Variants in PTPRG observed in about 807,000 individuals in gnomAD.
PTPRG encodes the protein receptor-type tyrosine-protein phosphatase gamma.
PTPRG carries 102 observed loss-of-function variants against 165.3 expected under a neutral mutation model. The ratio of observed to expected loss-of-function variants is 0.62; its 90% confidence interval spans 0.53 to 0.73. PTPRG has a LOEUF of 0.73. Ranked by LOEUF, PTPRG falls within the 30% of genes least tolerant of loss-of-function variation. PTPRG has a pLI of 0.00. For missense variants in PTPRG, 1,866 were observed against 1,861.4 expected (o/e 1.00, Z -0.05); for synonymous variants, 675 against 669.5 (o/e 1.01, Z -0.13).
chr3:61,924,437 A>G (rs2039155674), intron 2 of PTPRG, among the ~76,000 whole-genome samples: 1 of 152,250 alleles, frequency 6.6e-6, no homozygotes, highest in Non-Finnish European at 1.5e-5. Flanking sequence ...CACATTCTAA[A>G]TAAATGCCTT....
chr3:62,029,562 A>G (rs1025280076), intron 4 of PTPRG, among the ~76,000 whole-genome samples: 6 of 152,218 alleles, frequency 3.9e-5, no homozygotes, highest in Non-Finnish European at 8.8e-5. Flanking sequence ...TCTTCATTGG[A>G]AAACTTACCA....
At chr3:61,844,247 A>C (rs1337656065) in intron 2 of PTPRG, among the ~76,000 whole-genome samples, 3 of 152,176 alleles carry the variant, frequency 2.0e-5, no homozygotes, top group Non-Finnish European at 4.4e-5. Context: ...TACAGGCGTG[A>C]GCCACCACGC....
chr3:61,743,973 C>G (rs2033101244), intron 1 of PTPRG, among the ~76,000 whole-genome samples: 1 of 152,158 alleles, frequency 6.6e-6, no homozygotes, highest in Non-Finnish European at 1.5e-5. Flanking sequence ...TATTGAAAAT[C>G]AATAGCATGA....
chr3:61,975,828 C>A lies in PTPRG; in HGVS notation c.191-13797C>A, dbSNP rs191123168. Reference sequence around the variant, plus strand: ...AAGATTTTCATCAAACATTTTATGTCGATCACAAATTTAGACACAATGAAA... The same window carrying A: ...AAGATTTTCATCAAACATTTTATGTAGATCACAAATTTAGACACAATGAAA... On this transcript the variant is annotated intron_variant, in intron 2 of 29. Transcript: ENST00000474889. Among the ~76,000 whole-genome samples the A allele has an allele frequency of 3.3e-3, 501 of 152,164 alleles. 2 individuals are homozygous for A. Among genetic ancestry groups the A allele is most frequent in the African/African-American group, 0.011 (470 of 41,526 alleles).
intron 13 of PTPRG, among the ~76,000 whole-genome samples, chr3:62,230,480 T>G (rs2106919634): frequency 6.6e-6 from 1 of 152,298 alleles, no homozygotes; most frequent in South Asian, 2.1e-4. Context: ...CAGTGTGAAA[T>G]CCTATAGCCC....
chr3:61,650,898 T>C (rs1702330561), intron 1 of PTPRG, among the ~76,000 whole-genome samples: 1 of 152,204 alleles, frequency 6.6e-6, no homozygotes. Context: ...TAATTTTTAC[T>C]ACCAATAAAA....
chr3:61,819,915 A>G (rs2035902419), intron 2 of PTPRG, among the ~76,000 whole-genome samples: 1 of 152,118 alleles, frequency 6.6e-6, no homozygotes, highest in Non-Finnish European at 1.5e-5. Context: ...AAACATTATA[A>G]CTAGTTGGGA....
chr3:62,152,938 A>C (rs1704390317), intron 6 of PTPRG, among the ~76,000 whole-genome samples: 2 of 152,236 alleles, frequency 1.3e-5, no homozygotes, highest in Non-Finnish European at 2.9e-5. Context: ...CCCTGGGCTA[A>C]GAATGGTTTT....
At chr3:61,717,333 A>G (rs1012138234) in intron 1 of PTPRG, among the ~76,000 whole-genome samples, 3 of 152,240 alleles carry the variant, frequency 2.0e-5, no homozygotes, top group African/African-American at 7.2e-5. Flanking sequence ...CCCATTTTAC[A>G]GATGAGGAAA....
At chr3:61,620,714 C>T (rs1024982008) in intron 1 of PTPRG, among the ~76,000 whole-genome samples, 7 of 151,924 alleles carry the variant, frequency 4.6e-5, no homozygotes, top group Admixed American at 3.3e-4. Flanking sequence ...CTGCAACCTC[C>T]GCCTCCCAGG....
chr3:61,761,684 G>T (rs2033840445), intron 2 of PTPRG, among the ~76,000 whole-genome samples: 1 of 152,170 alleles, frequency 6.6e-6, no homozygotes, highest in Non-Finnish European at 1.5e-5. Flanking sequence ...GAATTGAGTT[G>T]ATCTTGAGAG....
At chr3:62,036,831 G>T (rs1460153352) in intron 4 of PTPRG, among the ~76,000 whole-genome samples, 1 of 152,196 alleles carries the variant, frequency 6.6e-6, no homozygotes, top group African/African-American at 2.4e-5. Context: ...AAATGGCCAT[G>T]AGCAAATCAT....
chr3:61,822,328 G>C (rs1011907617), intron 2 of PTPRG, among the ~76,000 whole-genome samples: 1 of 152,180 alleles, frequency 6.6e-6, no homozygotes, highest in Non-Finnish European at 1.5e-5. Context: ...AATAATTCTG[G>C]CCTGTTGGGA....
chr3:61,631,391 C>T (rs914361814), intron 1 of PTPRG, among the ~76,000 whole-genome samples: 2 of 152,022 alleles, frequency 1.3e-5, no homozygotes, highest in Non-Finnish European at 2.9e-5. Context: ...GAGAGAGAGA[C>T]CAAAACTATA....
intron 3 of PTPRG, among the ~76,000 whole-genome samples, chr3:61,992,185 G>A (rs73087407): frequency 0.1 from 15,857 of 151,936 alleles, 1,026 homozygotes; most frequent in Middle Eastern, 0.24. Flanking sequence ...GATTCTGTAG[G>A]AAGGGTTTTT....
chr3:61,795,731 G>A (rs78818696), intron 2 of PTPRG, among the ~76,000 whole-genome samples: 1,533 of 151,162 alleles, frequency 0.01, 15 homozygotes, highest in Non-Finnish European at 0.018. Context: ...ATGCCTGGTT[G>A]GCATAAGTGC....
At chr3:61,829,804 A>C (rs1433001805) in intron 2 of PTPRG, among the ~76,000 whole-genome samples, 1 of 152,152 alleles carries the variant, frequency 6.6e-6, no homozygotes, top group African/African-American at 2.4e-5. Flanking sequence ...CACCCGGTAG[A>C]TTAATTTAGC....
intron 5 of PTPRG, among the ~76,000 whole-genome samples, chr3:62,126,697 C>A (rs1398926785): frequency 6.6e-6 from 1 of 152,230 alleles, no homozygotes; most frequent in African/African-American, 2.4e-5. Context: ...TTAGTAGTTG[C>A]ATTTAAAGCA....
At chr3:62,003,599 C>T (rs1575875066) in intron 4 of PTPRG, 102 bp downstream of exon 4, 1 of 1,414,954 alleles carries the variant, frequency 7.1e-7, no homozygotes, top group East Asian at 2.3e-5. Context: ...CACAGCTGTA[C>T]AGTACCTAAC....
Sources: gnomAD v4.1 joint callset for allele counts (sites outside exome capture counted in the v4.1 genomes callset) on GRCh38, gnomAD v4.1.1 for gene constraint, MANE v1.5 for transcripts, NCBI Gene and HGNC (gene_info 2026-07-23, HGNC 2026-07-21) for gene names.